The following RPSA2 variants were observed in gnomAD, a reference collection of about 807,000 sequenced individuals.
RPSA2 encodes ribosomal protein SA 2.
the RPSA2 span, chr19:23,832,556 T>C: frequency 1.1e-6 from 1 of 880,716 alleles, no homozygotes; most frequent in Non-Finnish European, 1.6e-6. Context: ...ACCCTACAAA[T>C]GTCAAGAATG....
chr19:23,821,512 C>A, the RPSA2 span, among the ~76,000 whole-genome samples: 1 of 152,204 alleles, frequency 6.6e-6, no homozygotes, highest in Non-Finnish European at 1.5e-5. Context: ...GCCTCCCCCA[C>A]TTCTAATGTG....
chr19:23,763,318 G>C, the RPSA2 span, among the ~76,000 whole-genome samples: 1 of 152,188 alleles, frequency 6.6e-6, no homozygotes, highest in African/African-American at 2.4e-5. Context: ...GTCCAGCCCC[G>C]TCCGTGCGGG....
the RPSA2 span, among the ~76,000 whole-genome samples, chr19:23,778,634 C>G: frequency 2.6e-5 from 4 of 152,082 alleles, no homozygotes; most frequent in Admixed American, 6.6e-5. Context: ...AAGAGAGTGA[C>G]TTACCGCTAG....
chr19:23,777,376 C>A, the RPSA2 span, among the ~76,000 whole-genome samples: 1 of 152,200 alleles, frequency 6.6e-6, no homozygotes, highest in Non-Finnish European at 1.5e-5. Flanking sequence ...GATGATGTAT[C>A]TTTTCATTCA....
the RPSA2 span, among the ~76,000 whole-genome samples, chr19:23,857,209 C>A: frequency 6.6e-6 from 1 of 152,182 alleles, no homozygotes; most frequent in Non-Finnish European, 1.5e-5. Flanking sequence ...TTCAAACACA[C>A]GTTTTACAAT....
At chr19:23,832,083 G>A in the RPSA2 span, 9 of 444,868 alleles carry the variant, frequency 2.0e-5, no homozygotes, top group Non-Finnish European at 4.1e-5. Flanking sequence ...AAGCTTTTAA[G>A]CAACACTCAA....
the RPSA2 span, among the ~76,000 whole-genome samples, chr19:23,833,872 G>A: frequency 5.9e-5 from 9 of 152,012 alleles, no homozygotes; most frequent in African/African-American, 2.2e-4. Context: ...TGTGCTAGAG[G>A]AAAACCCTGA....
chr19:23,834,022 C>T, the RPSA2 span, among the ~76,000 whole-genome samples: 1 of 151,894 alleles, frequency 6.6e-6, no homozygotes, highest in African/African-American at 2.4e-5. Flanking sequence ...TATATTTTTG[C>T]AGGTGCAGTA....
At chr19:23,836,372 GACAC>G in the RPSA2 span, among the ~76,000 whole-genome samples, 12 of 150,092 alleles carry the variant, frequency 8.0e-5, no homozygotes, top group African/African-American at 2.2e-4. Context: ...CACACACACA[GACAC>G]ACACACACAC....
At chr19:23,862,761 TA>T in the RPSA2 span, among the ~76,000 whole-genome samples, 78,804 of 148,376 alleles carry the variant, frequency 0.53, 20,986 homozygotes, top group South Asian at 0.62. Flanking sequence ...AGTATAAGAA[TA>T]AAAAAAAAAA....
At chr19:23,808,862 C>T in the RPSA2 span, 8 of 490,300 alleles carry the variant, frequency 1.6e-5, no homozygotes, top group African/African-American at 1.7e-4. Context: ...AGGCCCAAAT[C>T]AAGAAGAAAG....
chr19:23,846,668 C>A, the RPSA2 span, among the ~76,000 whole-genome samples: 4 of 152,276 alleles, frequency 2.6e-5, no homozygotes, highest in African/African-American at 9.6e-5. Flanking sequence ...TTTCTTTCAA[C>A]ACTCTAAAAG....
the RPSA2 span, among the ~76,000 whole-genome samples, chr19:23,836,439 T>C: frequency 0.016 from 2,365 of 152,306 alleles, 79 homozygotes; most frequent in African/African-American, 0.053. Context: ...TTTGGTTGGT[T>C]CCAGAATTTT....
chr19:23,864,400 C>T, the RPSA2 span, among the ~76,000 whole-genome samples: 13 of 152,166 alleles, frequency 8.5e-5, no homozygotes, highest in Admixed American at 8.5e-4. Flanking sequence ...AATAGATGGT[C>T]TAAAATATCC....
chr19:23,862,142 G>A, the RPSA2 span, among the ~76,000 whole-genome samples: 3 of 152,070 alleles, frequency 2.0e-5, no homozygotes, highest in Non-Finnish European at 4.4e-5. Flanking sequence ...TGAAGCAATT[G>A]TGAATGGGAG....
At chr19:23,863,780 C>T in the RPSA2 span, among the ~76,000 whole-genome samples, 1 of 152,146 alleles carries the variant, frequency 6.6e-6, no homozygotes, top group East Asian at 1.9e-4. Context: ...GAAATAATCT[C>T]TAAACATAAG....
chr19:23,831,036 G>C, the RPSA2 span, among the ~76,000 whole-genome samples: 2 of 151,938 alleles, frequency 1.3e-5, no homozygotes, highest in Admixed American at 1.3e-4. Flanking sequence ...TTGTTATTTT[G>C]TAGGAGTCAG....
the RPSA2 span, among the ~76,000 whole-genome samples, chr19:23,869,629 C>T: frequency 6.6e-6 from 1 of 152,302 alleles, no homozygotes; most frequent in South Asian, 2.1e-4. Flanking sequence ...TTTGAATACT[C>T]CTTCTTTATA....
At chr19:23,781,886 A>T in the RPSA2 span, among the ~76,000 whole-genome samples, 1 of 152,140 alleles carries the variant, frequency 6.6e-6, no homozygotes, top group Admixed American at 6.5e-5. Context: ...GTGCTGTATC[A>T]CTGGACCCAG....
Sources: allele counts gnomAD v4.1 joint callset (sites outside exome capture counted in the v4.1 genomes callset), GRCh38; gene constraint gnomAD v4.1.1; transcripts MANE v1.5; gene names NCBI Gene and HGNC (gene_info 2026-07-23, HGNC 2026-07-21).